C18orf63: variants seen among roughly 807,000 people sequenced by gnomAD.
C18orf63 encodes the protein uncharacterized protein C18orf63.
C18orf63 carries 50 observed loss-of-function variants against 75.3 expected under a neutral mutation model. That is an observed-to-expected ratio of 0.66 (90% CI 0.53 to 0.84). The LOEUF is 0.84. C18orf63 is among the 40% of genes least tolerant of loss of function. C18orf63 has a pLI of 0.00. For missense variants in C18orf63, 732 were observed against 800.2 expected, an observed-to-expected ratio of 0.91 and a Z score of 1.03; for synonymous variants, 232 against 267.6, an observed-to-expected ratio of 0.87 and a Z score of 1.30.
At chr18:74,348,705 G>A (rs1001405319) in intron 11 of C18orf63, among the ~76,000 whole-genome samples, 3 of 152,054 alleles carry the variant, frequency 2.0e-5, no homozygotes, top group Admixed American at 1.3e-4. Context: ...GTTGGCTTGC[G>A]ACTTCACAAA....
chr18:74,358,838 G>A lies in C18orf63; in HGVS notation c.*2391G>A, dbSNP rs1485866407. Reference sequence around the variant, plus strand: ...TCATATATTAGGTTTCACAGTATTGGTTGCTTACTATATTTGTTTTTATTT... The same window carrying A: ...TCATATATTAGGTTTCACAGTATTGATTGCTTACTATATTTGTTTTTATTT... On this transcript the variant is annotated 3_prime_UTR_variant, in exon 14 of 14. Coordinates refer to ENST00000579455, the MANE Select transcript of C18orf63 (RefSeq NM_001174123.2). The A allele has an allele frequency of 2.0e-5, 3 of 151,960 alleles. No homozygotes were observed. The East Asian group carries it at 5.8e-4, about 29-fold the overall frequency. 9.4% of individuals were successfully genotyped at this position (151,960 alleles called of 1,614,324 possible).
At chr18:74,350,986 T>C (rs1301682939) in intron 11 of C18orf63, among the ~76,000 whole-genome samples, 1 of 152,210 alleles carries the variant, frequency 6.6e-6, no homozygotes, top group Non-Finnish European at 1.5e-5. Context: ...TGCCTTGATC[T>C]TGGACTTCCC....
At chr18:74,354,311 C>A (rs1261075200) in intron 12 of C18orf63, 43 bp downstream of exon 12, 3 of 1,415,480 alleles carry the variant, frequency 2.1e-6, no homozygotes, top group South Asian at 1.4e-5. Context: ...ATATGCTAGA[C>A]CCTTAAAACC....
chr18:74,334,972 G>A (rs1423863278), intron 7 of C18orf63, among the ~76,000 whole-genome samples: 1 of 152,054 alleles, frequency 6.6e-6, no homozygotes, highest in African/African-American at 2.4e-5. Flanking sequence ...CCTTTCTTCT[G>A]CTCATCTTTC....
chr18:74,353,201 C>A (rs1354108097), intron 11 of C18orf63, 45 bp from the exon 12 acceptor site: 9 of 1,175,906 alleles, frequency 7.7e-6, no homozygotes, highest in South Asian at 1.5e-5. Flanking sequence ...CCATTAAGGA[C>A]ATTATTAACA....
intron 6 of C18orf63, among the ~76,000 whole-genome samples, chr18:74,329,636 G>C (rs1009009461): frequency 2.0e-5 from 3 of 152,088 alleles, no homozygotes; most frequent in Non-Finnish European, 4.4e-5. Flanking sequence ...ATAATGTATA[G>C]TTTCCAGAAT....
At chr18:74,322,420 C>T (rs569124209) in intron 3 of C18orf63, among the ~76,000 whole-genome samples, 3 of 152,216 alleles carry the variant, frequency 2.0e-5, no homozygotes, top group African/African-American at 2.4e-5. Context: ...TTAAGAAAGG[C>T]GTTAAATATT....
rs950662089 is a variant in C18orf63, at chr18:74,347,550, G to C, written c.978+3848G>C. Among the ~76,000 whole-genome samples, 5 of 152,204 alleles carry C rather than the reference G, an allele frequency of 3.3e-5. 1 individual carries two copies. The highest frequency in any genetic ancestry group is 6.5e-5 in the Admixed American group (1 of 15,290). On this transcript the variant is annotated intron_variant, in intron 11 of 13. Transcript: ENST00000579455. ...ACCAGAGGCAGTAAGTCCTTCCTTT[G>C]AAGGGGGTCATGTCTTTTGCAGTAC...
At chr18:74,318,713 C>T (rs1010483139) in intron 2 of C18orf63, among the ~76,000 whole-genome samples, 8 of 151,644 alleles carry the variant, frequency 5.3e-5, no homozygotes, top group Middle Eastern at 3.2e-3. Flanking sequence ...TCGTTTGAAC[C>T]TGGGAGGTAG....
At position 74,322,761 on chromosome 18, in the gene C18orf63, GT is replaced by G; in HGVS notation, c.270+9del. 8.3e-7 allele frequency: 1 copy of G among 1,211,888 alleles called. No individual in the cohort carries two copies. The highest frequency in any genetic ancestry group is 1.5e-5 in the South Asian group (1 of 66,522). 75.1% of individuals were successfully genotyped at this position (1,211,888 alleles called of 1,614,324 possible). A position where few individuals can be genotyped will look rare whatever the true frequency, so the allele number is the denominator to read the frequency against. On this transcript the variant is annotated splice_region_variant and intron_variant, in intron 4 of 13. Coordinates refer to ENST00000579455, the MANE Select transcript of C18orf63 (RefSeq NM_001174123.2). ...TGAAAAATATGGAGCTAAGGTAAGT[GT>G]TAAAAAATGATATTAATACCATATG...
At chr18:74,341,175 A>AATGGC (rs1465410292) in intron 8 of C18orf63, among the ~76,000 whole-genome samples, 1 of 146,060 alleles carries the variant, frequency 6.8e-6, no homozygotes, top group Admixed American at 7.0e-5. Context: ...GAGGCAGGAG[A>AATGGC]ATGGCGTGAA....
chr18:74,341,924 A>T, intron 8 of C18orf63, 108 bp from the exon 9 acceptor site: 1 of 610,134 alleles, frequency 1.6e-6, no homozygotes, highest in Non-Finnish European at 2.8e-6. Flanking sequence ...ATATATAGCT[A>T]GTGAGATAGT....
chr18:74,328,111 ATGTG>A, intron 5 of C18orf63, 53 bp downstream of exon 5: 2 of 1,020,070 alleles, frequency 2.0e-6, no homozygotes, highest in Non-Finnish European at 3.0e-6. Context: ...TACGTCTGTT[ATGTG>A]TGTATTAGTC....
chr18:74,342,160 G>A (rs1443265829), intron 9 of C18orf63, 32 bp downstream of exon 9: 1 of 1,418,626 alleles, frequency 7.0e-7, no homozygotes, highest in Admixed American at 2.0e-5. Flanking sequence ...TACATTAGAA[G>A]TTATTTGATT....
At chr18:74,332,900 T>G (rs1021160724) in intron 7 of C18orf63, among the ~76,000 whole-genome samples, 2 of 152,154 alleles carry the variant, frequency 1.3e-5, no homozygotes, top group African/African-American at 2.4e-5. Context: ...TTATTCAACT[T>G]TGAATTTTCT....
intron 4 of C18orf63, among the ~76,000 whole-genome samples, chr18:74,326,900 A>T (rs773650999): frequency 6.6e-6 from 1 of 152,178 alleles, no homozygotes; most frequent in Non-Finnish European, 1.5e-5. Flanking sequence ...CCATGTAAGT[A>T]TGTATTGTTT....
intron 4 of C18orf63, among the ~76,000 whole-genome samples, chr18:74,324,774 C>A (rs1599001152): frequency 6.6e-6 from 1 of 152,124 alleles, no homozygotes; most frequent in African/African-American, 2.4e-5. Flanking sequence ...GTCATATTTC[C>A]AAAATGTTTA....
At chr18:74,333,158 C>T (rs944624970) in intron 7 of C18orf63, among the ~76,000 whole-genome samples, 18 of 152,136 alleles carry the variant, frequency 1.2e-4, no homozygotes, top group African/African-American at 4.3e-4. Context: ...TCTTGGAGGA[C>T]ATGGTTTATC....
At chr18:74,319,600 C>G (rs748490438) in intron 2 of C18orf63, among the ~76,000 whole-genome samples, 4 of 152,184 alleles carry the variant, frequency 2.6e-5, no homozygotes, top group Non-Finnish European at 4.4e-5. Flanking sequence ...GTTGAAACCA[C>G]TACCCAGTTC....
Sources: gnomAD v4.1 joint callset for allele counts (sites outside exome capture counted in the v4.1 genomes callset) on GRCh38, gnomAD v4.1.1 for gene constraint, MANE v1.5 for transcripts, NCBI Gene and HGNC (gene_info 2026-07-23, HGNC 2026-07-21) for gene names.